HDX: variants seen among roughly 807,000 people sequenced by gnomAD.
The protein encoded by HDX is highly divergent homeobox, also known as chromosome X open reading frame 43.
Under a neutral mutation model 45.2 loss-of-function variants are expected in HDX, and 19 were observed. The ratio of observed to expected loss-of-function variants is 0.42; its 90% CI spans 0.29 to 0.62. The LOEUF (loss-of-function observed/expected upper bound fraction) is 0.62. Among genes scored for constraint, HDX ranks in the 20% least tolerant of loss-of-function variants. The probability of loss-of-function intolerance (pLI) is 0.20; values close to 1 mark genes in which losing one functional copy is unlikely to be tolerated. For synonymous variants in HDX, 188 were observed against 172.8 expected (o/e 1.09, Z -0.69); for missense variants, 532 against 493.9 (o/e 1.08, Z -0.73).
chrX:84,361,631 A>G lies in HDX; in HGVS notation c.1306-19T>C. Reference sequence around the variant, plus strand: ...CCTGTAGCTGAAAAACACATTTTTAAATTGTTTTGAATTTTAAAGTTTAGA... The same window carrying G: ...CCTGTAGCTGAAAAACACATTTTTAGATTGTTTTGAATTTTAAAGTTTAGA... On this transcript the variant is annotated intron_variant, in intron 5 of 10. Transcript: ENST00000373177. 9.0e-7 allele frequency: 1 copy of G among 1,112,721 alleles called. No individual in the cohort carries two copies. 91.7% of individuals were successfully genotyped at this position (1,112,721 alleles called of 1,213,427 possible).
At chrX:84,372,338 T>C (rs1432541306) in intron 5 of HDX, among the ~76,000 whole-genome samples, 13 of 112,001 alleles carry the variant, frequency 1.2e-4, no homozygotes, top group Non-Finnish European at 2.4e-4. Flanking sequence ...TATATGCAAC[T>C]TTAAGACATG....
At chrX:84,344,603 C>T (rs755920948) in intron 6 of HDX, 146 bp from the exon 7 acceptor site, 201 of 390,267 alleles carry the variant, frequency 5.2e-4, no homozygotes, top group South Asian at 1.5e-3. Context: ...TATGTCAATA[C>T]GCTAAAATAA....
At chrX:84,470,204 C>T (rs1028339883) in intron 3 of HDX, among the ~76,000 whole-genome samples, 2 of 111,184 alleles carry the variant, frequency 1.8e-5, no homozygotes, top group Non-Finnish European at 3.8e-5. Context: ...TGTACTGCTG[C>T]TCTATTAGAA....
intron 5 of HDX, among the ~76,000 whole-genome samples, chrX:84,397,517 G>C (rs2038593888): frequency 9.0e-6 from 1 of 111,079 alleles, no homozygotes; most frequent in African/African-American, 3.3e-5. Context: ...GTAGAAAGGT[G>C]GACTGCTGGG....
At chrX:84,462,454 G>T (rs1462135644) in intron 4 of HDX, among the ~76,000 whole-genome samples, 5 of 111,615 alleles carry the variant, frequency 4.5e-5, no homozygotes, top group Non-Finnish European at 9.4e-5. Context: ...CTTAGTTGCA[G>T]GAGCTAAAAT....
intron 5 of HDX, among the ~76,000 whole-genome samples, chrX:84,382,615 T>C (rs1236735449): frequency 9.0e-6 from 1 of 111,601 alleles, no homozygotes; most frequent in Non-Finnish European, 1.9e-5. Flanking sequence ...TATCACATGT[T>C]CTCAGTTATT....
chrX:84,373,214 G>C (rs143642027), intron 5 of HDX, among the ~76,000 whole-genome samples: 2 of 111,279 alleles, frequency 1.8e-5, no homozygotes, highest in Non-Finnish European at 3.8e-5. Flanking sequence ...ATGAAAAACA[G>C]AGCTATTTTG....
At chrX:84,487,693 C>T (rs1037591073) in intron 2 of HDX, among the ~76,000 whole-genome samples, 2 of 112,161 alleles carry the variant, frequency 1.8e-5, no homozygotes, top group African/African-American at 6.5e-5. Context: ...CCTTCCTCAA[C>T]TCTTTCCTCT....
chrX:84,396,741 T>A (rs2038575452), intron 5 of HDX, among the ~76,000 whole-genome samples: 1 of 111,346 alleles, frequency 9.0e-6, no homozygotes, highest in South Asian at 3.8e-4. Context: ...GCTGTGGCAG[T>A]ATCAGCAGGG....
At chrX:84,484,426 G>A (rs2040748728) in intron 2 of HDX, among the ~76,000 whole-genome samples, 1 of 111,529 alleles carries the variant, frequency 9.0e-6, no homozygotes, top group African/African-American at 3.3e-5. Flanking sequence ...AGAACCAAGT[G>A]AAGAGGGAAG....
At chrX:84,328,034 T>A (rs1008376636) in intron 9 of HDX, among the ~76,000 whole-genome samples, 1 of 110,442 alleles carries the variant, frequency 9.1e-6, no homozygotes, top group African/African-American at 3.3e-5. Flanking sequence ...CCCAGGCTAG[T>A]CTTGAACTCC....
chrX:84,422,630 A>G (rs185869386), intron 5 of HDX, among the ~76,000 whole-genome samples: 388 of 110,144 alleles, frequency 3.5e-3, no homozygotes, highest in African/African-American at 0.012. Flanking sequence ...TTTGAAATTA[A>G]AAAAGCAATA....
At chrX:84,436,899 T>G (rs749843632) in intron 5 of HDX, among the ~76,000 whole-genome samples, 2 of 110,813 alleles carry the variant, frequency 1.8e-5, no homozygotes, top group Admixed American at 1.9e-4. Flanking sequence ...TGTTGTTAAT[T>G]TTCTTTCTAG....
At chrX:84,408,084 T>G (rs955512923) in intron 5 of HDX, among the ~76,000 whole-genome samples, 1 of 111,927 alleles carries the variant, frequency 8.9e-6, no homozygotes, top group South Asian at 3.7e-4. Flanking sequence ...TTTGTTACTA[T>G]TGCTTTGGCC....
intron 4 of HDX, among the ~76,000 whole-genome samples, chrX:84,447,681 G>T (rs1349535355): frequency 9.0e-6 from 1 of 111,208 alleles, no homozygotes; most frequent in Non-Finnish European, 1.9e-5. Flanking sequence ...CTCTCCAACA[G>T]CTCCTGCATC....
At chrX:84,416,413 G>T (rs2039103478) in intron 5 of HDX, among the ~76,000 whole-genome samples, 2 of 111,677 alleles carry the variant, frequency 1.8e-5, no homozygotes, top group South Asian at 7.4e-4. Flanking sequence ...CAGAGATGGT[G>T]ATTATATTTC....
intron 5 of HDX, among the ~76,000 whole-genome samples, chrX:84,437,681 A>G (rs2039668780): frequency 9.0e-6 from 1 of 110,931 alleles, no homozygotes; most frequent in Non-Finnish European, 1.9e-5. Context: ...GTGTTGCCCA[A>G]CAAACTAGTG....
In HDX at chrX:84,458,465, A is replaced by G. The variant is rs758672575; in HGVS notation, c.1251+10007T>C. On this transcript the variant is annotated intron_variant, in intron 4 of 10. Coordinates refer to ENST00000373177, the MANE Select transcript of HDX (RefSeq NM_001177479.2). ...ATAATTTAAGTTTTAAAACATAAAT[A>G]TGTGTAGCTTGATCTTCTGTTGATA... Among the ~76,000 whole-genome samples, 4 of 112,317 alleles carry G rather than the reference A, an allele frequency of 3.6e-5. No homozygotes were observed. The East Asian group carries it at 1.1e-3, about 31-fold the overall frequency.
At chrX:84,395,359 AGT>A (rs1491218493) in intron 5 of HDX, among the ~76,000 whole-genome samples, 4 of 9,762 alleles carry the variant, frequency 4.1e-4, no homozygotes, top group African/African-American at 5.9e-4. Flanking sequence ...TTTATTGGCA[AGT>A]TTTTTTTTTT....
Sources: gnomAD v4.1 joint callset for allele counts (sites outside exome capture counted in the v4.1 genomes callset) on GRCh38, gnomAD v4.1.1 for gene constraint, MANE v1.5 for transcripts, NCBI Gene and HGNC (gene_info 2026-07-23, HGNC 2026-07-21) for gene names.